Variants in IMMP2L observed in about 807,000 individuals in gnomAD.
IMMP2L encodes the protein inner mitochondrial membrane peptidase subunit 2, also known as mitochondrial inner membrane protease subunit 2.
A neutral mutation model predicts 19.3 loss-of-function variants in IMMP2L; 18 were observed. The observed-to-expected ratio is 0.93, with a 90% confidence interval of 0.64 to 1.38. The LOEUF (loss-of-function observed/expected upper bound fraction) is 1.38, where lower values mean the gene tolerates loss of function less well. Ranked by LOEUF, IMMP2L falls within the 40% of genes most tolerant of loss-of-function variation. The probability of loss-of-function intolerance (pLI) is 0.00; values close to 1 mark genes in which losing one functional copy is unlikely to be tolerated. For synonymous variants in IMMP2L, 76 were observed against 73.0 expected (o/e 1.04, Z -0.21); for missense variants, 233 against 218.2 (o/e 1.07, Z -0.43).
intron 3 of IMMP2L, among the ~76,000 whole-genome samples, chr7:111,077,631 T>C (rs1795528958): frequency 6.6e-6 from 1 of 152,202 alleles, no homozygotes; most frequent in Admixed American, 6.5e-5. Context: ...CTCTAACCAA[T>C]TCTCCATGTA....
chr7:110,727,885 ACAAGTTGTGCTAAGT>A lies in IMMP2L; in HGVS notation c.409-64179_409-64165del. Among the ~76,000 whole-genome samples the A allele has an allele frequency of 6.6e-6, 1 of 152,338 alleles. No individual in the cohort carries two copies. On this transcript the variant is annotated intron_variant, in intron 5 of 5. Coordinates refer to ENST00000405709, the MANE Select transcript of IMMP2L (RefSeq NM_032549.4). This position sits in a 1 kb window ranked among gnomAD's most constrained non-coding sequence, Gnocchi z 4.3. ...AAATTTTTACAAATAATTACATCTA[ACAAGTTGTGCTAAGT>A]CAACATAACAGCTACATACCTAACA...
chr7:111,188,519 G>A (rs1054678597), intron 3 of IMMP2L, among the ~76,000 whole-genome samples: 1 of 151,916 alleles, frequency 6.6e-6, no homozygotes, highest in Non-Finnish European at 1.5e-5. Context: ...CCTCCCAAAG[G>A]CTCCACCTCC....
chr7:111,462,274 A>G (rs746143947), intron 3 of IMMP2L, among the ~76,000 whole-genome samples: 1 of 152,098 alleles, frequency 6.6e-6, no homozygotes, highest in Non-Finnish European at 1.5e-5. Flanking sequence ...ATCATTAAAC[A>G]AAGTAATGAA....
At chr7:111,510,504 C>A (rs958788980) in intron 2 of IMMP2L, among the ~76,000 whole-genome samples, 1 of 152,066 alleles carries the variant, frequency 6.6e-6, no homozygotes, top group Non-Finnish European at 1.5e-5. Flanking sequence ...CTGCCTCTGC[C>A]AGACCTAGCC....
chr7:111,342,858 T>C (rs17540329), intron 3 of IMMP2L, among the ~76,000 whole-genome samples: 4,526 of 152,140 alleles, frequency 0.03, 95 homozygotes, highest in Middle Eastern at 0.068. Context: ...AGTTATATGA[T>C]TTCTTTAAAA....
In IMMP2L at chr7:111,458,440, T is replaced by C. The variant is rs569940202; in HGVS notation, c.239+28798A>G. 5.9e-5 allele frequency among the ~76,000 whole-genome samples: 9 copies of C among 152,138 alleles called. No homozygotes were observed. The South Asian group carries it at 1.9e-3, about 32-fold the overall frequency. ...TCAAAAATAAACATAATATGCTTTC[T>C]GTTTTAACAAATGAATAACTTACCA... On this transcript the variant is annotated intron_variant, in intron 3 of 5. Coordinates refer to ENST00000405709, the MANE Select transcript of IMMP2L (RefSeq NM_032549.4).
intron 5 of IMMP2L, among the ~76,000 whole-genome samples, chr7:110,690,450 A>G (rs1301505249): frequency 6.6e-6 from 1 of 152,176 alleles, no homozygotes; most frequent in African/African-American, 2.4e-5. Flanking sequence ...TGGAAGTTCC[A>G]GCTAGAGCAA....
chr7:111,388,276 G>A (rs183560481), intron 3 of IMMP2L, among the ~76,000 whole-genome samples: 12 of 152,022 alleles, frequency 7.9e-5, no homozygotes, highest in African/African-American at 2.4e-4. Flanking sequence ...CCATACAGCT[G>A]TAAAATTAAG....
At chr7:111,503,627 C>G (rs1844550549) in intron 2 of IMMP2L, among the ~76,000 whole-genome samples, 1 of 152,120 alleles carries the variant, frequency 6.6e-6, no homozygotes, top group South Asian at 2.1e-4. Flanking sequence ...CCACCATGAT[C>G]AAGTGGGCTT....
intron 4 of IMMP2L, among the ~76,000 whole-genome samples, chr7:110,927,697 C>G (rs1815004845): frequency 6.6e-6 from 1 of 151,990 alleles, no homozygotes; most frequent in Admixed American, 6.6e-5. Context: ...GAAAAGAATG[C>G]AGCTTTGCTA....
intron 5 of IMMP2L, among the ~76,000 whole-genome samples, chr7:110,733,272 C>G (rs868484948): frequency 6.6e-6 from 1 of 152,134 alleles, no homozygotes; most frequent in African/African-American, 2.4e-5. Flanking sequence ...TATTCCCAAG[C>G]TAGCTATGTA....
Position 110,803,768 on chromosome 7 carries a change from A to T in IMMP2L, c.408+82825T>A, listed in dbSNP as rs1281786043. On this transcript the variant is annotated intron_variant, in intron 5 of 5. Coordinates refer to ENST00000405709, the MANE Select transcript of IMMP2L (RefSeq NM_032549.4). This position sits in a 1 kb window ranked among gnomAD's most constrained non-coding sequence, Gnocchi z 4.2. ...GGGAGAAGTCATTCCTTGAAGGAAC[A>T]CCTGGGGAGTCAGAGTTACCAGTAG... 6.6e-6 allele frequency among the ~76,000 whole-genome samples: 1 copy of T among 152,002 alleles called. No homozygotes were observed. The highest frequency in any genetic ancestry group is 1.5e-5 in the Non-Finnish European group (1 of 67,964).
At chr7:110,750,697 G>T (rs1797663188) in intron 5 of IMMP2L, among the ~76,000 whole-genome samples, 1 of 151,990 alleles carries the variant, frequency 6.6e-6, no homozygotes, top group South Asian at 2.1e-4. Flanking sequence ...GACACTGTAG[G>T]TTGCTGAGAT....
intron 4 of IMMP2L, among the ~76,000 whole-genome samples, chr7:110,951,253 G>A (rs1358757715): frequency 2.0e-5 from 3 of 151,910 alleles, no homozygotes; most frequent in African/African-American, 7.3e-5. Context: ...AATCTTTCAA[G>A]AGGGTAGATC....
intron 3 of IMMP2L, among the ~76,000 whole-genome samples, chr7:111,326,262 A>G (rs1228785059): frequency 1.3e-5 from 2 of 151,880 alleles, no homozygotes; most frequent in African/African-American, 2.4e-5. Context: ...AGATTGCCAA[A>G]TAAAAATTAA....
At chr7:111,274,106 G>T (rs1331413157) in intron 3 of IMMP2L, among the ~76,000 whole-genome samples, 1 of 151,878 alleles carries the variant, frequency 6.6e-6, no homozygotes, top group Admixed American at 6.6e-5. Context: ...AATTACACCT[G>T]TTTTTCCCAG....
chr7:110,819,979 T>C (rs1802881896), intron 5 of IMMP2L, among the ~76,000 whole-genome samples: 1 of 152,084 alleles, frequency 6.6e-6, no homozygotes, highest in African/African-American at 2.4e-5. Flanking sequence ...TTACCTTGTT[T>C]TTCATATCTA....
intron 5 of IMMP2L, among the ~76,000 whole-genome samples, chr7:110,836,643 C>T (rs1029377938): frequency 3.9e-5 from 6 of 152,062 alleles, no homozygotes; most frequent in Non-Finnish European, 5.9e-5. Context: ...AGTGTGAAAA[C>T]AGACTAATAC....
chr7:110,960,496 T>G (rs1191210341), intron 4 of IMMP2L, among the ~76,000 whole-genome samples: 1 of 151,998 alleles, frequency 6.6e-6, no homozygotes, highest in Non-Finnish European at 1.5e-5. Context: ...CCTAGGGTAA[T>G]GTTTTCAAGG....
Sources: gnomAD v4.1 joint callset for allele counts (sites outside exome capture counted in the v4.1 genomes callset) on GRCh38, gnomAD v4.1.1 for gene constraint, Gnocchi (gnomAD v3.1) non-coding constraint, MANE v1.5 for transcripts, NCBI Gene and HGNC (gene_info 2026-07-23, HGNC 2026-07-21) for gene names.